The following TET1 variants were observed in gnomAD, a reference collection of about 807,000 sequenced individuals.
The protein encoded by TET1 is tet methylcytosine dioxygenase 1.
TET1 carries 13 observed loss-of-function variants against 148.7 expected under a neutral mutation model. The ratio of observed to expected loss-of-function variants is 0.09; its 90% CI spans 0.06 to 0.14. The LOEUF is 0.14. TET1 is among the 10% of genes least tolerant of loss of function. The pLI is 1.00. For synonymous variants in TET1, 907 were observed against 937.2 expected (o/e 0.97, Z 0.59); for missense variants, 2,182 against 2,553.8 (o/e 0.85, Z 3.14).
At chr10:68,628,651 A>G (rs2054524420) in intron 3 of TET1, among the ~76,000 whole-genome samples, 1 of 152,188 alleles carries the variant, frequency 6.6e-6, no homozygotes, top group Admixed American at 6.5e-5. Context: ...TGTGTAGTTT[A>G]CTGTCACCTT....
chr10:68,566,780 G>GA (rs2053611911), intron 1 of TET1, among the ~76,000 whole-genome samples: 1 of 151,336 alleles, frequency 6.6e-6, no homozygotes, highest in Non-Finnish European at 1.5e-5. Context: ...GAGTTAAACT[G>GA]GTTCCATAAT....
At chr10:68,571,849 C>G (rs1390109063) in intron 1 of TET1, among the ~76,000 whole-genome samples, 1 of 152,104 alleles carries the variant, frequency 6.6e-6, no homozygotes, top group African/African-American at 2.4e-5. Flanking sequence ...GCCGGGCACG[C>G]TGGTTCACAC....
At chr10:68,590,409 G>A (rs1040091940) in intron 2 of TET1, among the ~76,000 whole-genome samples, 6 of 152,200 alleles carry the variant, frequency 3.9e-5, no homozygotes, top group African/African-American at 1.4e-4. Context: ...TGGGATTACA[G>A]GCATGAGCCA....
chr10:68,583,640 C>T (rs895198368), intron 2 of TET1, among the ~76,000 whole-genome samples: 4 of 152,304 alleles, frequency 2.6e-5, no homozygotes, highest in East Asian at 3.9e-4. Context: ...TGACCGGACA[C>T]GGTGGCTCTC....
intron 1 of TET1, among the ~76,000 whole-genome samples, chr10:68,571,209 C>G (rs967294592): frequency 1.3e-5 from 2 of 151,776 alleles, no homozygotes; most frequent in African/African-American, 4.8e-5. Context: ...AGGCTGGTCT[C>G]GAACTTCTGA....
At chr10:68,586,485 G>GT (rs11437924) in intron 2 of TET1, among the ~76,000 whole-genome samples, 81,658 of 133,410 alleles carry the variant, frequency 0.61, 24,656 homozygotes, top group South Asian at 0.69. Flanking sequence ...GCCAGCTAAC[G>GT]TTTTTTTTTT....
chr10:68,692,165 G>A lies in TET1; in HGVS notation c.*351G>A, dbSNP rs61868129. The A allele has an allele frequency of 2.0e-3, 571 of 283,144 alleles. 2 individuals are homozygous for A. Among genetic ancestry groups the A allele is most frequent in the Admixed American group, 7.0e-3 (151 of 21,574 alleles). The allele number at this position is 283,144 out of a possible 1,614,324, so 17.5% of individuals were successfully genotyped here. A position where few individuals can be genotyped will look rare whatever the true frequency, so the allele number is the denominator to read the frequency against. ...TTTTAGAGGATTTTAACAGGTTCAT[G>A]TTCTATGATGTAAAATCAAGACACA... is the stretch of plus-strand genomic sequence containing the variant. On this transcript the variant is annotated 3_prime_UTR_variant, in exon 12 of 12. Coordinates refer to ENST00000373644, the MANE Select transcript of TET1 (RefSeq NM_030625.3).
At chr10:68,657,689 G>A (rs2055045711) in intron 6 of TET1, among the ~76,000 whole-genome samples, 1 of 152,116 alleles carries the variant, frequency 6.6e-6, no homozygotes, top group African/African-American at 2.4e-5. Flanking sequence ...AAATAGTATG[G>A]CTATGGTATT....
At position 68,645,365 on chromosome 10, in the gene TET1, C is replaced by T. The variant is rs771580099; in HGVS notation, c.2636C>T (p.Ser879Leu). Residue 879 changes from serine to leucine, a missense_variant, in exon 4 of 12, where the codon TCG becomes TTG. Ser to Leu is a moderately radical substitution (Grantham distance 145). Coordinates refer to ENST00000373644, the MANE Select transcript of TET1 (RefSeq NM_030625.3). ...DGSPVQPSLL[S>L]LMKDRRLTLE... ...TCTCCCGTTCAACCAAGTCTCTTAT[C>T]GTTAATGAAAGATAGGAGATTAACA... 8 of 1,614,084 alleles carry T rather than the reference C, an allele frequency of 5.0e-6. No homozygotes were observed. Among genetic ancestry groups the T allele is most frequent in the Admixed American group, 1.7e-5 (1 of 60,004 alleles).
intron 3 of TET1, among the ~76,000 whole-genome samples, chr10:68,625,296 A>T (rs899914404): frequency 1.3e-5 from 2 of 152,200 alleles, no homozygotes; most frequent in African/African-American, 4.8e-5. Context: ...GATTTGTTTG[A>T]ATCAGTTTTG....
intron 3 of TET1, among the ~76,000 whole-genome samples, chr10:68,637,581 T>C (rs963925872): frequency 5.4e-5 from 8 of 147,088 alleles, no homozygotes; most frequent in African/African-American, 2.0e-4. Context: ...GCTGGAGTGC[T>C]GTGGTGCCAT....
intron 2 of TET1, among the ~76,000 whole-genome samples, chr10:68,596,173 G>C (rs2053987431): frequency 6.6e-6 from 1 of 150,514 alleles, no homozygotes; most frequent in Non-Finnish European, 1.5e-5. Flanking sequence ...TGAGTAGCTT[G>C]AGATTACAGG....
chr10:68,643,243 CAG>C (rs1304024809), intron 3 of TET1, among the ~76,000 whole-genome samples: 1 of 107,200 alleles, frequency 9.3e-6, no homozygotes. Context: ...GCCTGGGTGA[CAG>C]AGTGAGACCC....
chr10:68,561,008 G>C (rs961179419), intron 1 of TET1, among the ~76,000 whole-genome samples: 4 of 152,200 alleles, frequency 2.6e-5, no homozygotes, highest in African/African-American at 9.6e-5. Flanking sequence ...CCGCCACAGC[G>C]CCGGGTTGGG....
intron 4 of TET1, among the ~76,000 whole-genome samples, chr10:68,647,280 G>A (rs565680068): frequency 6.6e-6 from 1 of 152,280 alleles, no homozygotes; most frequent in African/African-American, 2.4e-5. Context: ...AATGTTGAAT[G>A]TCTGTCAATT....
At chr10:68,658,312 A>T (rs2055055773) in intron 6 of TET1, among the ~76,000 whole-genome samples, 2 of 151,972 alleles carry the variant, frequency 1.3e-5, no homozygotes, top group South Asian at 4.2e-4. Context: ...CCCAGATTCA[A>T]GTGATTTTCC....
intron 4 of TET1, among the ~76,000 whole-genome samples, chr10:68,647,848 G>A (rs997325383): frequency 1.3e-5 from 2 of 152,056 alleles, no homozygotes; most frequent in African/African-American, 2.4e-5. Flanking sequence ...GTGCTTTTAC[G>A]CTCTGTCCAG....
At chr10:68,584,853 C>T (rs1451241849) in intron 2 of TET1, among the ~76,000 whole-genome samples, 2 of 151,604 alleles carry the variant, frequency 1.3e-5, no homozygotes, top group Non-Finnish European at 2.9e-5. Context: ...CAAAATCTCG[C>T]CCTGTTGCCC....
intron 1 of TET1, among the ~76,000 whole-genome samples, chr10:68,561,386 T>C (rs1242383839): frequency 6.6e-6 from 1 of 150,790 alleles, no homozygotes; most frequent in Non-Finnish European, 1.5e-5. Context: ...TTGCTAGGAG[T>C]TGGCTGGGAG....
Sources: allele counts gnomAD v4.1 joint callset (sites outside exome capture counted in the v4.1 genomes callset), GRCh38; gene constraint gnomAD v4.1.1; transcripts MANE v1.5; gene names NCBI Gene and HGNC (gene_info 2026-07-23, HGNC 2026-07-21).